STAG1: variants seen among roughly 807,000 people sequenced by gnomAD.
STAG1 encodes cohesin subunit SA-1.
A neutral mutation model predicts 170.9 loss-of-function variants in STAG1; 26 were observed. The ratio of observed to expected loss-of-function variants is 0.15; its 90% confidence interval spans 0.11 to 0.21. The LOEUF (loss-of-function observed/expected upper bound fraction) is 0.21, where lower values mean the gene tolerates loss of function less well. Among genes scored for constraint, STAG1 ranks in the 10% least tolerant of loss-of-function variants. The pLI, the probability that STAG1 is intolerant of heterozygous loss-of-function variation, is 1.00. For missense variants in STAG1, 964 were observed against 1,509.5 expected, an observed-to-expected ratio of 0.64 and a Z score of 5.99; for synonymous variants, 514 against 497.7, an observed-to-expected ratio of 1.03 and a Z score of -0.44.
At chr3:136,410,920 T>A (rs2087608120) in intron 21 of STAG1, among the ~76,000 whole-genome samples, 1 of 152,184 alleles carries the variant, frequency 6.6e-6, no homozygotes, top group African/African-American at 2.4e-5. Flanking sequence ...CTGGGCACGG[T>A]GGCATATGCC....
At chr3:136,746,346 G>C (rs1301056305) in intron 1 of STAG1, among the ~76,000 whole-genome samples, 1 of 151,628 alleles carries the variant, frequency 6.6e-6, no homozygotes, top group Admixed American at 6.6e-5. Flanking sequence ...TTAAAGCAAG[G>C]GTGTCCAATC....
chr3:136,558,905 T>C (rs1036294666), intron 5 of STAG1, among the ~76,000 whole-genome samples: 5 of 152,334 alleles, frequency 3.3e-5, no homozygotes, highest in South Asian at 2.1e-4. Context: ...ATATAAGGTA[T>C]ACTTTACAGT....
At chr3:136,524,082 T>C (rs1390706153) in intron 6 of STAG1, among the ~76,000 whole-genome samples, 1 of 152,182 alleles carries the variant, frequency 6.6e-6, no homozygotes, top group Non-Finnish European at 1.5e-5. Context: ...ATGCGGGCTC[T>C]TTTTTGGTCC....
intron 13 of STAG1, among the ~76,000 whole-genome samples, chr3:136,461,258 A>G (rs2089265125): frequency 2.0e-5 from 3 of 152,190 alleles, no homozygotes; most frequent in Admixed American, 1.3e-4. Context: ...AGCCTTTCCC[A>G]TAAGAACTCA....
rs944142018 is a variant in STAG1 at position 136,548,882 on chromosome 3, A to G, written c.395-6687T>C. Among the ~76,000 whole-genome samples the G allele has an allele frequency of 1.6e-4, 24 of 152,260 alleles. No individual in the cohort carries two copies. In the South Asian group the frequency reaches 1.7e-3, roughly 11 times the overall value. On this transcript the variant is annotated intron_variant, in intron 5 of 33. Coordinates refer to ENST00000383202, the MANE Select transcript of STAG1 (RefSeq NM_005862.3). ...TTTTCATGATAGTAGGTGAATTATC[A>G]TAAGATCTGGTTGTTTCAAAGTGTA... is the stretch of plus-strand genomic sequence containing the variant.
rs184724465 is a variant in STAG1 at position 136,672,218 on chromosome 3, A to G, written c.-83-41237T>C. Among the ~76,000 whole-genome samples, 283 of 152,376 alleles carry G rather than the reference A, an allele frequency of 1.9e-3. 1 individual carries two copies. The highest frequency in any genetic ancestry group is 5.8e-3 in the African/African-American group (241 of 41,592). On this transcript the variant is annotated intron_variant, in intron 1 of 33. Coordinates refer to ENST00000383202, the MANE Select transcript of STAG1 (RefSeq NM_005862.3). ...TGAGAATTCAGATTAGCTCACAAAA[A>G]TGAGGCCTACAAAATGAAAATTACC...
intron 2 of STAG1, among the ~76,000 whole-genome samples, chr3:136,626,942 A>G (rs1940128007): frequency 6.6e-6 from 1 of 152,204 alleles, no homozygotes; most frequent in South Asian, 2.1e-4. Flanking sequence ...TGCAAATACT[A>G]TGTTTCGTAT....
intron 14 of STAG1, among the ~76,000 whole-genome samples, chr3:136,446,971 T>A (rs1696223975): frequency 6.6e-6 from 1 of 150,838 alleles, no homozygotes; most frequent in African/African-American, 2.4e-5. Flanking sequence ...ACCCTGCTAA[T>A]TTTTGTATTT....
chr3:136,453,734 T>G (rs1159447467), intron 13 of STAG1, among the ~76,000 whole-genome samples: 3 of 151,582 alleles, frequency 2.0e-5, no homozygotes, highest in Non-Finnish European at 4.4e-5. Context: ...GTATATACTG[T>G]TGCTGGTTAT....
chr3:136,451,545 C>T (rs1275770362), intron 14 of STAG1, among the ~76,000 whole-genome samples: 3 of 152,178 alleles, frequency 2.0e-5, no homozygotes, highest in Non-Finnish European at 4.4e-5. Context: ...GGGCAGATGA[C>T]CTAAGTCAGG....
intron 12 of STAG1, among the ~76,000 whole-genome samples, chr3:136,468,273 G>A (rs1278932430): frequency 1.3e-5 from 2 of 151,916 alleles, no homozygotes; most frequent in African/African-American, 4.8e-5. Flanking sequence ...GACTAATAAA[G>A]AAGAAAAGAG....
intron 23 of STAG1, among the ~76,000 whole-genome samples, chr3:136,373,557 C>G (rs1406733678): frequency 1.3e-5 from 2 of 152,004 alleles, no homozygotes; most frequent in East Asian, 1.9e-4. Flanking sequence ...TGTCTTTGTT[C>G]TCGTTGGTTT....
At chr3:136,486,911 T>C (rs2090024176) in intron 9 of STAG1, among the ~76,000 whole-genome samples, 1 of 150,902 alleles carries the variant, frequency 6.6e-6, no homozygotes, top group Non-Finnish European at 1.5e-5. Flanking sequence ...TCTAACGTCT[T>C]TGTTGTTTCA....
At chr3:136,558,413 C>A (rs1195883009) in intron 5 of STAG1, among the ~76,000 whole-genome samples, 1 of 152,028 alleles carries the variant, frequency 6.6e-6, no homozygotes, top group African/African-American at 2.4e-5. Context: ...AAATAAAAAT[C>A]TTACAAAACA....
At chr3:136,354,666 A>C (rs560615737) in intron 28 of STAG1, among the ~76,000 whole-genome samples, 2 of 149,922 alleles carry the variant, frequency 1.3e-5, no homozygotes, top group Admixed American at 1.3e-4. Context: ...AACTAAAAAA[A>C]TACAATTAAA....
intron 5 of STAG1, among the ~76,000 whole-genome samples, chr3:136,563,927 G>T (rs1559881255): frequency 6.6e-6 from 1 of 152,002 alleles, no homozygotes; most frequent in East Asian, 1.9e-4. Flanking sequence ...GGAGGCTGAG[G>T]CAGGAGAACT....
chr3:136,693,944 C>T (rs1425162039), intron 1 of STAG1, among the ~76,000 whole-genome samples: 1 of 152,048 alleles, frequency 6.6e-6, no homozygotes, highest in East Asian at 1.9e-4. Context: ...GTACAGTCTC[C>T]CATTCCATGT....
At chr3:136,603,440 G>C (rs772475413) in intron 4 of STAG1, among the ~76,000 whole-genome samples, 1 of 151,978 alleles carries the variant, frequency 6.6e-6, no homozygotes, top group African/African-American at 2.4e-5. Context: ...ATGTAGAGAC[G>C]AACATAAATA....
chr3:136,467,314 A>G (rs2107803702), intron 12 of STAG1, among the ~76,000 whole-genome samples: 1 of 152,294 alleles, frequency 6.6e-6, no homozygotes, highest in South Asian at 2.1e-4. Flanking sequence ...ATGGAGGAAG[A>G]TCTACCAAGC....
Sources: gnomAD v4.1 joint callset for allele counts (sites outside exome capture counted in the v4.1 genomes callset) on GRCh38, gnomAD v4.1.1 for gene constraint, MANE v1.5 for transcripts, NCBI Gene and HGNC (gene_info 2026-07-23, HGNC 2026-07-21) for gene names.